The following MYT1L variants were observed in gnomAD, a reference collection of about 807,000 sequenced individuals.
MYT1L encodes myelin transcription factor 1 like.
MYT1L carries 12 observed loss-of-function variants against 126.7 expected under a neutral mutation model. The ratio of observed to expected loss-of-function variants is 0.09; its 90% CI spans 0.06 to 0.15. The LOEUF (loss-of-function observed/expected upper bound fraction) is 0.15, where lower values mean the gene tolerates loss of function less well. Among genes scored for constraint, MYT1L ranks in the 10% least tolerant of loss-of-function variants. The pLI is 1.00. For synonymous variants in MYT1L, 541 were observed against 604.2 expected (o/e 0.90, Z 1.53); for missense variants, 979 against 1,585.2 (o/e 0.62, Z 6.49).
intron 1 of MYT1L, among the ~76,000 whole-genome samples, chr2:2,323,722 T>C (rs895329119): frequency 6.6e-6 from 1 of 152,186 alleles, no homozygotes; most frequent in African/African-American, 2.4e-5. Context: ...ACTCAGAGTA[T>C]CACTGTGTGC....
intron 3 of MYT1L, among the ~76,000 whole-genome samples, chr2:2,078,879 C>T (rs1012139045): frequency 6.6e-6 from 1 of 152,116 alleles, no homozygotes. Flanking sequence ...TTGTGTTTCC[C>T]CAAATTCATA....
intron 9 of MYT1L, 150 bp downstream of exon 9, chr2:1,942,832 T>C (rs1388242448): frequency 5.1e-6 from 5 of 971,520 alleles, no homozygotes; most frequent in African/African-American, 1.6e-5. Flanking sequence ...AACAGAAGTG[T>C]TCAGTTCATA....
At chr2:2,240,587 T>C (rs568662748) in intron 2 of MYT1L, among the ~76,000 whole-genome samples, 1 of 152,364 alleles carries the variant, frequency 6.6e-6, no homozygotes, top group African/African-American at 2.4e-5. Flanking sequence ...TAATCCTTTG[T>C]CTAAGTCTCC....
At chr2:2,020,677 T>G (rs981959520) in intron 4 of MYT1L, among the ~76,000 whole-genome samples, 1 of 152,374 alleles carries the variant, frequency 6.6e-6, no homozygotes. Context: ...GTTTACAAAC[T>G]TTTCTTGTTC....
intron 4 of MYT1L, among the ~76,000 whole-genome samples, chr2:2,025,999 T>C (rs987074257): frequency 1.3e-5 from 2 of 152,214 alleles, no homozygotes; most frequent in African/African-American, 4.8e-5. Context: ...TCCTAATCGG[T>C]GCTTCAAAGT....
rs1240195862 is a variant in MYT1L at position 1,892,398 on chromosome 2, C to T, written c.2033-111G>A. ...CTCAGCCACACACAGCCGCGTGGGA[C>T]GGCCCTCAGGGTGCTGGGGCTTACG... is the stretch of plus-strand genomic sequence containing the variant. On this transcript the variant is annotated intron_variant, in intron 14 of 24. Transcript: ENST00000647738. 3.3e-5 allele frequency: 47 copies of T among 1,428,396 alleles called. No homozygotes were observed. In the South Asian group the frequency reaches 5.5e-4, roughly 17 times the overall value. 88.5% of individuals were successfully genotyped at this position (1,428,396 alleles called of 1,614,324 possible).
At chr2:1,854,475 C>T (rs2043658967) in intron 18 of MYT1L, among the ~76,000 whole-genome samples, 1 of 152,164 alleles carries the variant, frequency 6.6e-6, no homozygotes, top group Non-Finnish European at 1.5e-5. Flanking sequence ...AGCAAGTGTG[C>T]TGCTGAAGTC....
chr2:2,150,930 A>AGGGG (rs2085682461), intron 3 of MYT1L, among the ~76,000 whole-genome samples: 1 of 150,294 alleles, frequency 6.7e-6, no homozygotes, highest in African/African-American at 2.5e-5. Context: ...GGAGGGAGGG[A>AGGGG]GATGGAGGGA....
chr2:1,897,305 G>A (rs1284951569), intron 14 of MYT1L, among the ~76,000 whole-genome samples: 3 of 152,210 alleles, frequency 2.0e-5, no homozygotes, highest in Non-Finnish European at 2.9e-5. Flanking sequence ...TCGGCTCAGT[G>A]CCCTGACAGC....
In MYT1L at chr2:2,059,561, G is replaced by C. The variant is rs376330551; in HGVS notation, c.-303-5438C>G. Among the ~76,000 whole-genome samples the C allele has an allele frequency of 1.2e-4, 18 of 152,264 alleles. No individual in the cohort carries two copies. The highest frequency in any genetic ancestry group is 4.1e-4 in the African/African-American group (17 of 41,552). On this transcript the variant is annotated intron_variant, in intron 3 of 24. Coordinates refer to ENST00000647738, the MANE Select transcript of MYT1L (RefSeq NM_001303052.2). This position sits in a 1 kb window ranked among gnomAD's most constrained non-coding sequence, Gnocchi z 4.7. ...GCAGTGAGTTCTCCACACAGTCCCT[G>C]CCAAAGGCCTTGCACCAAAGCACAA...
chr2:2,255,723 G>A (rs775218450), intron 2 of MYT1L, among the ~76,000 whole-genome samples: 5 of 152,106 alleles, frequency 3.3e-5, no homozygotes, highest in East Asian at 3.9e-4. Context: ...TACAGAAGCC[G>A]TCTTCATCCT....
chr2:2,329,853 C>A (rs2096274227), intron 1 of MYT1L, among the ~76,000 whole-genome samples: 1 of 151,924 alleles, frequency 6.6e-6, no homozygotes, highest in South Asian at 2.1e-4. Flanking sequence ...TTAGGTCAAT[C>A]AGAAAAAACA....
intron 4 of MYT1L, among the ~76,000 whole-genome samples, chr2:2,011,910 C>T: frequency 6.6e-6 from 1 of 152,168 alleles, no homozygotes; most frequent in Non-Finnish European, 1.5e-5. Flanking sequence ...ATGCAGACAG[C>T]CCTCATTGCA....
chr2:2,132,859 G>C (rs2082560907), intron 3 of MYT1L, among the ~76,000 whole-genome samples: 1 of 152,168 alleles, frequency 6.6e-6, no homozygotes, highest in Admixed American at 6.5e-5. Flanking sequence ...TATGGAATCA[G>C]AAATGCTCAC....
At chr2:2,274,777 C>T (rs779807060) in intron 2 of MYT1L, among the ~76,000 whole-genome samples, 20 of 152,142 alleles carry the variant, frequency 1.3e-4, no homozygotes, top group Non-Finnish European at 2.6e-4. Context: ...TCTCAGAACA[C>T]GTTTAAAGCA....
intron 14 of MYT1L, among the ~76,000 whole-genome samples, chr2:1,897,815 G>A (rs2049806615): frequency 5.3e-5 from 8 of 152,140 alleles, no homozygotes. Flanking sequence ...ACAAGAATGT[G>A]TTAATGTTCT....
intron 10 of MYT1L, among the ~76,000 whole-genome samples, chr2:1,919,098 A>G (rs1334928189): frequency 6.6e-6 from 1 of 152,170 alleles, no homozygotes; most frequent in East Asian, 1.9e-4. Context: ...AAGTGACCCT[A>G]TTTTACCACG....
intron 2 of MYT1L, among the ~76,000 whole-genome samples, chr2:2,266,111 T>G (rs2095123504): frequency 6.6e-6 from 1 of 152,216 alleles, no homozygotes; most frequent in Non-Finnish European, 1.5e-5. Flanking sequence ...AAGTATGACC[T>G]CATTCAGTCT....
intron 2 of MYT1L, among the ~76,000 whole-genome samples, chr2:2,200,352 T>G (rs912824163): frequency 1.3e-5 from 2 of 152,208 alleles, no homozygotes; most frequent in African/African-American, 4.8e-5. Context: ...GTCAGCGAAC[T>G]GCCTTCCTTG....
Sources: gnomAD v4.1 joint callset for allele counts (sites outside exome capture counted in the v4.1 genomes callset) on GRCh38, gnomAD v4.1.1 for gene constraint, Gnocchi (gnomAD v3.1) non-coding constraint, MANE v1.5 for transcripts, NCBI Gene and HGNC (gene_info 2026-07-23, HGNC 2026-07-21) for gene names.